Variants in SH3GL2 observed in about 807,000 individuals in gnomAD.
SH3GL2 encodes endophilin-A1.
In SH3GL2, 24 loss-of-function variants were observed where a neutral mutation model predicts 46.0. The observed-to-expected ratio is 0.52, with a 90% confidence interval of 0.38 to 0.73. The LOEUF is 0.73. Ranked by LOEUF, SH3GL2 falls within the 30% of genes least tolerant of loss-of-function variation. The pLI, the probability that SH3GL2 is intolerant of heterozygous loss-of-function variation, is 0.00. For synonymous variants in SH3GL2, 196 were observed against 147.1 expected, an observed-to-expected ratio of 1.33 and a Z score of -2.40; for missense variants, 413 against 424.2, an observed-to-expected ratio of 0.97 and a Z score of 0.23.
chr9:17,592,139 G>T (rs577973384), intron 1 of SH3GL2, among the ~76,000 whole-genome samples: 2 of 152,310 alleles, frequency 1.3e-5, no homozygotes, highest in East Asian at 3.9e-4. Context: ...GGAGCTGCTG[G>T]TGTAAGCCCC....
At chr9:17,692,931 C>G (rs1821118585) in intron 1 of SH3GL2, among the ~76,000 whole-genome samples, 1 of 152,054 alleles carries the variant, frequency 6.6e-6, no homozygotes, top group Admixed American at 6.6e-5. Flanking sequence ...CCCATCAGAT[C>G]TCATGAGACT....
At chr9:17,767,897 T>G (rs1823361718) in intron 3 of SH3GL2, among the ~76,000 whole-genome samples, 1 of 152,206 alleles carries the variant, frequency 6.6e-6, no homozygotes, top group Non-Finnish European at 1.5e-5. Flanking sequence ...TACTAATGTA[T>G]TGAAAGGCTG....
chr9:17,782,937 T>G (rs1823852697), intron 3 of SH3GL2, among the ~76,000 whole-genome samples: 1 of 152,012 alleles, frequency 6.6e-6, no homozygotes, highest in Non-Finnish European at 1.5e-5. Context: ...CAACCTCACT[T>G]TGGACCAATT....
At chr9:17,647,454 A>G (rs866232084) in intron 1 of SH3GL2, among the ~76,000 whole-genome samples, 2 of 151,990 alleles carry the variant, frequency 1.3e-5, no homozygotes, top group African/African-American at 4.8e-5. Flanking sequence ...GTTTGAGGAA[A>G]CTGATGCTTT....
chr9:17,644,295 T>G (rs1484230848), intron 1 of SH3GL2, among the ~76,000 whole-genome samples: 1 of 152,172 alleles, frequency 6.6e-6, no homozygotes, highest in African/African-American at 2.4e-5. Flanking sequence ...AGCTCCTAGA[T>G]TCATTGATTT....
intron 3 of SH3GL2, among the ~76,000 whole-genome samples, chr9:17,784,404 A>G (rs998756396): frequency 1.3e-5 from 2 of 152,160 alleles, no homozygotes; most frequent in Non-Finnish European, 2.9e-5. Flanking sequence ...TGGCCTGAAT[A>G]GGATTTGTAG....
intron 1 of SH3GL2, among the ~76,000 whole-genome samples, chr9:17,624,073 T>C (rs1349604448): frequency 2.0e-5 from 3 of 152,202 alleles, no homozygotes; most frequent in Non-Finnish European, 2.9e-5. Flanking sequence ...TTATCTCGTT[T>C]TTAAGACTGC....
intron 1 of SH3GL2, among the ~76,000 whole-genome samples, chr9:17,742,069 G>GAAA (rs1822542039): frequency 1.3e-5 from 2 of 152,170 alleles, no homozygotes; most frequent in Admixed American, 1.3e-4. Flanking sequence ...CAAAATCAGG[G>GAAA]AAATTAAGAG....
chr9:17,655,513 G>A (rs1344784529), intron 1 of SH3GL2, among the ~76,000 whole-genome samples: 4 of 152,128 alleles, frequency 2.6e-5, no homozygotes, highest in Non-Finnish European at 5.9e-5. Context: ...ACCTATATAA[G>A]TTGAGTCTGA....
intron 1 of SH3GL2, among the ~76,000 whole-genome samples, chr9:17,698,916 G>A (rs1208304814): frequency 1.3e-5 from 2 of 152,030 alleles, no homozygotes; most frequent in African/African-American, 4.8e-5. Context: ...CAGCTCTTTG[G>A]GAGGCCAAGG....
intron 1 of SH3GL2, among the ~76,000 whole-genome samples, chr9:17,713,477 G>A (rs55920144): frequency 0.1 from 15,098 of 150,642 alleles, 2,483 homozygotes; most frequent in African/African-American, 0.34. Flanking sequence ...TTTTCAGTTT[G>A]TTAAGGTCAT....
chr9:17,719,036 A>G (rs981821553), intron 1 of SH3GL2, among the ~76,000 whole-genome samples: 1 of 152,154 alleles, frequency 6.6e-6, no homozygotes, highest in African/African-American at 2.4e-5. Flanking sequence ...TTCTTGAAGT[A>G]TCTTCAGTGT....
intron 3 of SH3GL2, among the ~76,000 whole-genome samples, chr9:17,766,418 C>A (rs9406701): frequency 1.3e-5 from 2 of 152,046 alleles, no homozygotes; most frequent in Admixed American, 6.6e-5. Flanking sequence ...CCTATTCTTA[C>A]GATATTTGTG....
At chr9:17,691,949 G>C (rs185416310) in intron 1 of SH3GL2, among the ~76,000 whole-genome samples, 292 of 152,170 alleles carry the variant, frequency 1.9e-3, no homozygotes, top group African/African-American at 6.7e-3. Context: ...GGAAGACGAG[G>C]ACCTAATTTG....
chr9:17,688,002 T>A (rs3808716), intron 1 of SH3GL2, among the ~76,000 whole-genome samples: 36 of 152,038 alleles, frequency 2.4e-4, no homozygotes, highest in African/African-American at 8.0e-4. Flanking sequence ...AGATTGTGTC[T>A]CATAGTTCAG....
intron 1 of SH3GL2, among the ~76,000 whole-genome samples, chr9:17,708,047 T>G (rs1272125430): frequency 6.6e-6 from 1 of 152,066 alleles, no homozygotes; most frequent in African/African-American, 2.4e-5. Flanking sequence ...CAAGTCCTTA[T>G]CTCTCAGTGT....
intron 8 of SH3GL2, among the ~76,000 whole-genome samples, chr9:17,794,603 T>G (rs1352083324): frequency 6.6e-6 from 1 of 152,194 alleles, no homozygotes; most frequent in African/African-American, 2.4e-5. Context: ...AAAAAATAAA[T>G]TACATTGTTT....
intron 1 of SH3GL2, among the ~76,000 whole-genome samples, chr9:17,727,494 C>A (rs1445982855): frequency 6.6e-6 from 1 of 152,140 alleles, no homozygotes; most frequent in Admixed American, 6.5e-5. Flanking sequence ...GTGCCCAGGG[C>A]CATGCCCTCC....
chr9:17,760,835 G>C (rs1823149653), intron 2 of SH3GL2, among the ~76,000 whole-genome samples: 1 of 152,142 alleles, frequency 6.6e-6, no homozygotes, highest in Non-Finnish European at 1.5e-5. Context: ...CTGACAAAGA[G>C]AACACGGTGA....
Sources: allele counts gnomAD v4.1 joint callset (sites outside exome capture counted in the v4.1 genomes callset), GRCh38; gene constraint gnomAD v4.1.1; transcripts MANE v1.5; gene names NCBI Gene and HGNC (gene_info 2026-07-23, HGNC 2026-07-21).